The following EP400 variants were observed in gnomAD, a reference collection of about 807,000 sequenced individuals.
EP400 encodes E1A-binding protein p400.
In EP400, 105 loss-of-function variants were observed where a neutral mutation model predicts 354.1. The observed-to-expected ratio is 0.30, with a 90% CI of 0.25 to 0.35. EP400 has a LOEUF of 0.35. Ranked by LOEUF, EP400 falls within the 10% of genes least tolerant of loss-of-function variation. The pLI, the probability that EP400 is intolerant of heterozygous loss-of-function variation, is 1.00. For synonymous variants in EP400, 1,646 were observed against 1,716.9 expected (o/e 0.96, Z 1.02); for missense variants, 3,280 against 4,121.0 (o/e 0.80, Z 5.59).
At chr12:131,997,669 A>G (rs1045487877) in intron 12 of EP400, among the ~76,000 whole-genome samples, 2 of 151,706 alleles carry the variant, frequency 1.3e-5, no homozygotes, top group African/African-American at 4.8e-5. Context: ...TTTACTATTT[A>G]TTAAGTGGAA....
intron 43 of EP400, among the ~76,000 whole-genome samples, chr12:132,053,992 C>T (rs751838242): frequency 6.6e-6 from 1 of 152,194 alleles, no homozygotes; most frequent in Non-Finnish European, 1.5e-5. Flanking sequence ...CAAAGCATGC[C>T]CATGTGTGCT....
intron 12 of EP400, among the ~76,000 whole-genome samples, chr12:132,000,231 A>G (rs1394102739): frequency 6.6e-6 from 1 of 152,004 alleles, no homozygotes; most frequent in Non-Finnish European, 1.5e-5. Flanking sequence ...TTATTGACCC[A>G]TGAGTTATTT....
In EP400 at chr12:131,979,706, G is replaced by T. The variant is rs147304028; in HGVS notation, c.1348G>T (p.Ala450Ser). The part of the protein sequence containing the change: ...EVINDEQQAL[A>S]GSLVAGAGST... Reference sequence around the variant, plus strand: ...TCTTTTTTCCCAGCAGCAAGCCCTCGCAGGGAGCCTGGTAGCAGGGGCCGG... The same window carrying T: ...TCTTTTTTCCCAGCAGCAAGCCCTCTCAGGGAGCCTGGTAGCAGGGGCCGG... The change falls in exon 3 of 53, where the codon GCA becomes TCA. Residue 450 changes from alanine (A) to serine (S), a missense_variant. By Grantham distance (99) the Ala-to-Ser change is moderately conservative. Around this residue, in one of 20 missense-constraint regions of EP400, gnomAD observed 800 missense variants for 840.0 expected, o/e 0.95. Transcript: ENST00000389561. 6.2e-4 allele frequency: 998 copies of T among 1,606,648 alleles called. 2 individuals are homozygous for T. Among genetic ancestry groups the T allele is most frequent in the Non-Finnish European group, 4.8e-4 (562 of 1,176,662 alleles).
chr12:132,064,429 C>T (rs1483473919), intron 47 of EP400, among the ~76,000 whole-genome samples: 1 of 152,166 alleles, frequency 6.6e-6, no homozygotes. Context: ...ATTCTTTTTG[C>T]TATGAACTTA....
chr12:131,995,057 G>C, intron 12 of EP400, 101 bp downstream of exon 12: 5 of 1,160,788 alleles, frequency 4.3e-6, no homozygotes, highest in Non-Finnish European at 6.2e-6. Flanking sequence ...CAGCAGCAGT[G>C]CCTGTTTTAT....
rs769700878 is a variant in EP400 at position 132,006,238 on chromosome 12, T to C, written c.3062T>C (p.Ile1021Thr). Residue 1021 changes from isoleucine to threonine, a missense_variant, in exon 14 of 53, where the codon ATT (isoleucine) becomes ACT (threonine). Ile to Thr is a moderately conservative substitution (Grantham distance 89, BLOSUM62 -1). Around this residue, in one of 20 missense-constraint regions of EP400, gnomAD observed 800 missense variants for 840.0 expected, o/e 0.95. Transcript: ENST00000389561. Reference sequence around the variant, plus strand: ...ATCGGGAAGCCAAACGCCAAGGACATTGCGGACGTCACTGCGGTGGCTGAA... The same window carrying C: ...ATCGGGAAGCCAAACGCCAAGGACACTGCGGACGTCACTGCGGTGGCTGAA... Reference protein sequence around the residue: ...MNIGKPNAKDIADVTAVAEAI... With the variant: ...MNIGKPNAKDTADVTAVAEAI... 1.2e-6 allele frequency: 2 copies of C among 1,614,216 alleles called. No homozygotes were observed. The highest frequency in any genetic ancestry group is 1.3e-5 in the African/African-American group (1 of 75,062).
rs141470843 is a variant in EP400, at chr12:131,963,673, C to T, written c.1335+1719C>T. ...TTTCGATGGTTCTCAAATGTAGTCT[C>T]ATCCCAAACTTTTCCTTCATCCAGA... On this transcript the variant is annotated intron_variant, in intron 2 of 52. Transcript: ENST00000389561. 20 of 1,544,878 alleles carry T rather than the reference C, an allele frequency of 1.3e-5. No homozygotes were observed. The East Asian group carries it at 4.1e-4, about 32-fold the overall frequency.
intron 2 of EP400, among the ~76,000 whole-genome samples, chr12:131,970,257 G>C (rs1028757148): frequency 1.3e-5 from 2 of 152,202 alleles, no homozygotes; most frequent in Non-Finnish European, 2.9e-5. Context: ...AGTGTTTACA[G>C]TACAAATTAA....
chr12:132,055,622 TTG>T (rs1232377011), intron 45 of EP400, among the ~76,000 whole-genome samples: 1 of 87,920 alleles, frequency 1.1e-5, no homozygotes, highest in Non-Finnish European at 2.2e-5. Flanking sequence ...GGTGTAGGGG[TTG>T]TGTGTGTGAG....
chr12:132,064,985 T>C, intron 48 of EP400, 99 bp downstream of exon 48: 1 of 1,493,074 alleles, frequency 6.7e-7, no homozygotes, highest in Non-Finnish European at 8.9e-7. Context: ...GTTACAGGAG[T>C]GAGTGTGAGA....
At chr12:131,989,461 A>G (rs570900040) in intron 7 of EP400, among the ~76,000 whole-genome samples, 4 of 152,194 alleles carry the variant, frequency 2.6e-5, no homozygotes, top group South Asian at 2.1e-4. Context: ...CAGGGCTCCA[A>G]AGGTTTTCTC....
chr12:131,988,748 C>G (rs1566175137), intron 7 of EP400, among the ~76,000 whole-genome samples: 3 of 152,160 alleles, frequency 2.0e-5, no homozygotes, highest in Non-Finnish European at 4.4e-5. Context: ...CGTGGCCCTT[C>G]TTTATCCTCC....
chr12:132,060,158 A>T (rs1035879154), intron 45 of EP400, among the ~76,000 whole-genome samples: 1 of 152,218 alleles, frequency 6.6e-6, no homozygotes, highest in African/African-American at 2.4e-5. Context: ...ACTGGGGGAA[A>T]CAACCCAAAC....
intron 19 of EP400, among the ~76,000 whole-genome samples, chr12:132,015,989 G>A (rs1040186996): frequency 6.6e-6 from 1 of 152,168 alleles, no homozygotes; most frequent in Admixed American, 6.5e-5. Flanking sequence ...TACCTGCCCA[G>A]ACCCCCCTGT....
intron 10 of EP400, 38 bp from the exon 11 acceptor site, chr12:131,992,135 G>T: frequency 6.3e-7 from 1 of 1,596,740 alleles, no homozygotes; most frequent in Non-Finnish European, 8.5e-7. Context: ...CTGAGTGTTT[G>T]GATCTCATGC....
intron 4 of EP400, 102 bp downstream of exon 4, chr12:131,981,698 T>A (rs761970559): frequency 5.0e-5 from 48 of 968,342 alleles, no homozygotes; most frequent in Middle Eastern, 6.4e-4. Flanking sequence ...GGAGGTAGCG[T>A]GTTTGCAGTG....
intron 32 of EP400, among the ~76,000 whole-genome samples, chr12:132,040,409 G>T (rs1894859254): frequency 1.3e-5 from 2 of 152,110 alleles, no homozygotes; most frequent in South Asian, 2.1e-4. Flanking sequence ...AGAGGCGTCT[G>T]TACCCTCGTG....
chr12:132,044,959 CATCCCG>C lies in EP400; in HGVS notation c.6784+8_6784+13del. Reference sequence around the variant, plus strand: ...ACACAAAACAGACCCCTCAGGTGCGCATCCCGAGGGCGTCACATGACCTGGGGGGGC... The same window carrying C: ...ACACAAAACAGACCCCTCAGGTGCGCAGGGCGTCACATGACCTGGGGGGGC... On this transcript the variant is annotated splice_region_variant and intron_variant, in intron 37 of 52. Coordinates refer to ENST00000389561, the MANE Select transcript of EP400 (RefSeq NM_015409.5). 1 of 1,613,566 alleles carries C rather than the reference CATCCCG, an allele frequency of 6.2e-7. No homozygotes were observed. Among genetic ancestry groups the C allele is most frequent in the Non-Finnish European group, 8.5e-7 (1 of 1,179,894 alleles).
chr12:132,045,525 G>A lies in EP400; in HGVS notation c.6991G>A (p.Glu2331Lys). 6.2e-7 allele frequency: 1 copy of A among 1,614,196 alleles called. No individual in the cohort carries two copies. The highest frequency in any genetic ancestry group is 1.1e-5 in the South Asian group (1 of 91,080). ...AGCTGAGCCTGGTCAAGACAACCCCGAGTGGCTCATCAGTGAGGACTGGGC... is the reference window on the plus strand; with the variant it reads ...AGCTGAGCCTGGTCAAGACAACCCCAAGTGGCTCATCAGTGAGGACTGGGC... The part of the protein sequence containing the change: ...PTAEPGQDNP[E>K]WLISEDWALL... Residue 2331 changes from glutamate (E) to lysine (K), a missense_variant, in exon 38 of 53, where the codon GAG becomes AAG. Physicochemically the swap from Glu to Lys is moderately conservative, Grantham distance 56. Transcript: ENST00000389561.
Sources: allele counts gnomAD v4.1 joint callset (sites outside exome capture counted in the v4.1 genomes callset), GRCh38; gene constraint gnomAD v4.1.1; regional missense constraint gnomAD v4.1.1; transcripts MANE v1.5; gene names NCBI Gene and HGNC (gene_info 2026-07-23, HGNC 2026-07-21).